RAD54L2: variants seen among roughly 807,000 people sequenced by gnomAD.
RAD54L2 encodes helicase ARIP4.
A neutral mutation model predicts 138.4 loss-of-function variants in RAD54L2; 27 were observed. The observed-to-expected ratio is 0.20, with a 90% confidence interval of 0.14 to 0.27. The LOEUF is 0.27. Ranked by LOEUF, RAD54L2 falls within the 10% of genes least tolerant of loss-of-function variation. The probability of loss-of-function intolerance (pLI) is 1.00; values close to 1 mark genes in which losing one functional copy is unlikely to be tolerated. For missense variants in RAD54L2, 1,396 were observed against 1,890.2 expected (o/e 0.74, Z 4.85); for synonymous variants, 644 against 723.2 (o/e 0.89, Z 1.76).
At chr3:51,602,239 G>A (rs1328147025) in intron 3 of RAD54L2, among the ~76,000 whole-genome samples, 1 of 152,140 alleles carries the variant, frequency 6.6e-6, no homozygotes, top group South Asian at 2.1e-4. Context: ...TGTGGGGCAT[G>A]TGCTTTCATT....
chr3:51,603,455 A>G (rs1363367385), intron 3 of RAD54L2, among the ~76,000 whole-genome samples: 1 of 152,120 alleles, frequency 6.6e-6, no homozygotes, highest in Non-Finnish European at 1.5e-5. Context: ...AAAAATACAA[A>G]GATTAGCTGA....
At chr3:51,605,692 T>A (rs1325845425) in intron 3 of RAD54L2, among the ~76,000 whole-genome samples, 1 of 152,152 alleles carries the variant, frequency 6.6e-6, no homozygotes, top group African/African-American at 2.4e-5. Flanking sequence ...CCTCAAGTGA[T>A]CCACCCGCCT....
chr3:51,604,520 G>T (rs1700139150), intron 3 of RAD54L2, among the ~76,000 whole-genome samples: 1 of 152,156 alleles, frequency 6.6e-6, no homozygotes. Flanking sequence ...CATGGACCTT[G>T]TAGACAAATC....
At chr3:51,652,296 T>C (rs1327325563) in intron 19 of RAD54L2, among the ~76,000 whole-genome samples, 1 of 152,150 alleles carries the variant, frequency 6.6e-6, no homozygotes, top group Non-Finnish European at 1.5e-5. Context: ...CACAAACAAA[T>C]AGAAGAACAT....
chr3:51,579,049 C>T (rs1699547623), intron 2 of RAD54L2, among the ~76,000 whole-genome samples: 2 of 152,196 alleles, frequency 1.3e-5, no homozygotes, highest in African/African-American at 2.4e-5. Flanking sequence ...GGACTCCTCT[C>T]CGAAGCTACA....
rs113788084 is a variant in RAD54L2, at chr3:51,547,225, A to G, written c.-55+5575A>G. Among the ~76,000 whole-genome samples the G allele has an allele frequency of 6.2e-3, 937 of 151,662 alleles. 7 individuals are homozygous for G. The highest frequency in any genetic ancestry group is 0.021 in the African/African-American group (882 of 41,438). The stretch of plus-strand genomic sequence containing the variant: ...AAATTAGCTGGGCAAGGTGACACAC[A>G]CCTAGAAGTTATGGACCACATCTGA... On this transcript the variant is annotated intron_variant, in intron 2 of 22. Transcript: ENST00000684192.
intron 19 of RAD54L2, among the ~76,000 whole-genome samples, chr3:51,648,103 C>A (rs1701331387): frequency 6.6e-6 from 1 of 152,190 alleles, no homozygotes; most frequent in South Asian, 2.1e-4. Context: ...AAATACTGCG[C>A]TTTTCCAACG....
intron 19 of RAD54L2, among the ~76,000 whole-genome samples, chr3:51,653,453 A>G (rs956415000): frequency 1.3e-5 from 2 of 152,364 alleles, no homozygotes; most frequent in Non-Finnish European, 2.9e-5. Context: ...AGGATTATAA[A>G]TCATGCTACT....
At chr3:51,557,049 A>G (rs1283146020) in intron 2 of RAD54L2, among the ~76,000 whole-genome samples, 1 of 152,138 alleles carries the variant, frequency 6.6e-6, no homozygotes, top group Non-Finnish European at 1.5e-5. Context: ...GATGTTGCAC[A>G]TGCTTGGCAT....
At chr3:51,625,838 G>A (rs1021766222) in intron 3 of RAD54L2, among the ~76,000 whole-genome samples, 1 of 151,986 alleles carries the variant, frequency 6.6e-6, no homozygotes, top group African/African-American at 2.4e-5. Flanking sequence ...CTGCAGCCTG[G>A]GCATCAGAGC....
At chr3:51,574,832 C>A (rs1699428620) in intron 2 of RAD54L2, among the ~76,000 whole-genome samples, 1 of 152,154 alleles carries the variant, frequency 6.6e-6, no homozygotes, top group Non-Finnish European at 1.5e-5. Flanking sequence ...TTTTGCTGTG[C>A]AGAATCTCTT....
At chr3:51,613,208 A>G (rs1167622903) in intron 3 of RAD54L2, among the ~76,000 whole-genome samples, 1 of 152,120 alleles carries the variant, frequency 6.6e-6, no homozygotes, top group Non-Finnish European at 1.5e-5. Context: ...AAATGCTGGG[A>G]TTACAGACAT....
chr3:51,633,336 C>T (rs1357536284), intron 7 of RAD54L2, among the ~76,000 whole-genome samples: 6 of 152,208 alleles, frequency 3.9e-5, no homozygotes, highest in Non-Finnish European at 8.8e-5. Flanking sequence ...TTTGACACTA[C>T]CGATTCATGC....
At chr3:51,568,048 G>GT (rs773126286) in intron 2 of RAD54L2, among the ~76,000 whole-genome samples, 4 of 152,012 alleles carry the variant, frequency 2.6e-5, no homozygotes, top group Non-Finnish European at 5.9e-5. Flanking sequence ...GGTAGCTCAT[G>GT]TTTTTTATCT....
intron 2 of RAD54L2, among the ~76,000 whole-genome samples, chr3:51,583,001 G>A (rs1419688354): frequency 6.6e-6 from 1 of 152,104 alleles, no homozygotes; most frequent in Non-Finnish European, 1.5e-5. Context: ...TCCTGACCTC[G>A]TGATCTGCCC....
chr3:51,567,839 G>T (rs186295437), intron 2 of RAD54L2, among the ~76,000 whole-genome samples: 16 of 151,116 alleles, frequency 1.1e-4, no homozygotes, highest in Middle Eastern at 3.4e-3. Context: ...TTTAGTACAG[G>T]AATAAGGCAG....
intron 3 of RAD54L2, among the ~76,000 whole-genome samples, chr3:51,597,187 A>C (rs1019171102): frequency 7.9e-5 from 12 of 151,220 alleles, no homozygotes; most frequent in South Asian, 2.1e-4. Context: ...AAAAAAAAAA[A>C]AACCCCACAA....
intron 2 of RAD54L2, among the ~76,000 whole-genome samples, chr3:51,564,017 G>A (rs959310772): frequency 1.3e-5 from 2 of 152,214 alleles, no homozygotes; most frequent in Admixed American, 1.3e-4. Context: ...TTAAATAATT[G>A]ATTTAGGTAT....
At chr3:51,551,035 A>G (rs1698822721) in intron 2 of RAD54L2, among the ~76,000 whole-genome samples, 2 of 152,124 alleles carry the variant, frequency 1.3e-5, no homozygotes, top group South Asian at 4.1e-4. Flanking sequence ...TGATAGTCAT[A>G]CTAACAAATT....
Sources: gnomAD v4.1 joint callset for allele counts (sites outside exome capture counted in the v4.1 genomes callset) on GRCh38, gnomAD v4.1.1 for gene constraint, MANE v1.5 for transcripts, NCBI Gene and HGNC (gene_info 2026-07-23, HGNC 2026-07-21) for gene names.